Variants in CHST9 observed in about 807,000 individuals in gnomAD.
CHST9 encodes the protein GalNAc-4-sulfotransferase 2.
CHST9 carries 41 observed loss-of-function variants against 44.4 expected under a neutral mutation model. The observed-to-expected ratio is 0.92, with a 90% CI of 0.72 to 1.20. CHST9 has a LOEUF of 1.20. CHST9 is among the 50% of genes most tolerant of loss of function. CHST9 has a pLI of 0.00. For synonymous variants in CHST9, 171 were observed against 178.4 expected (o/e 0.96, Z 0.33); for missense variants, 504 against 516.5 (o/e 0.98, Z 0.23).
chr18:27,031,454 A>C (rs1384853715), intron 3 of CHST9, among the ~76,000 whole-genome samples: 2 of 151,982 alleles, frequency 1.3e-5, no homozygotes, highest in Non-Finnish European at 2.9e-5. Context: ...TATATCTCAT[A>C]ATCATTCTTT....
At chr18:27,071,227 C>T (rs1372534653) in intron 2 of CHST9, among the ~76,000 whole-genome samples, 1 of 152,152 alleles carries the variant, frequency 6.6e-6, no homozygotes, top group African/African-American at 2.4e-5. Context: ...TCCTGATCTT[C>T]TGAAATAGTC....
At chr18:27,088,389 CTTT>C (rs35189657) in intron 2 of CHST9, among the ~76,000 whole-genome samples, 2 of 137,464 alleles carry the variant, frequency 1.5e-5, no homozygotes, top group Admixed American at 7.4e-5. Flanking sequence ...ATTATTAACA[CTTT>C]TTTTTTTTTT....
At chr18:27,123,550 A>G (rs971896931) in intron 2 of CHST9, among the ~76,000 whole-genome samples, 2 of 152,102 alleles carry the variant, frequency 1.3e-5, no homozygotes, top group Non-Finnish European at 2.9e-5. Context: ...ACAGGAGCAG[A>G]AAAAAAAGAG....
At chr18:26,982,851 T>G (rs190064219) in intron 4 of CHST9, among the ~76,000 whole-genome samples, 164 of 152,326 alleles carry the variant, frequency 1.1e-3, no homozygotes, top group African/African-American at 3.9e-3. Flanking sequence ...ATAAAATTCA[T>G]ATACTCAAAA....
At chr18:27,064,049 A>G (rs1033876402) in intron 2 of CHST9, among the ~76,000 whole-genome samples, 4 of 152,112 alleles carry the variant, frequency 2.6e-5, no homozygotes, top group Non-Finnish European at 5.9e-5. Flanking sequence ...TGGGCTATAT[A>G]CAGAGACTTT....
intron 2 of CHST9, among the ~76,000 whole-genome samples, chr18:27,128,485 G>T (rs954281458): frequency 2.6e-5 from 4 of 152,092 alleles, no homozygotes; most frequent in Admixed American, 6.5e-5. Flanking sequence ...GGCCAGGCTG[G>T]TCTCGAACTC....
intron 2 of CHST9, among the ~76,000 whole-genome samples, chr18:27,053,188 GA>G (rs2057596288): frequency 2.2e-5 from 3 of 139,046 alleles, no homozygotes; most frequent in African/African-American, 5.5e-5. Flanking sequence ...AGAAGAAGAA[GA>G]AGAAGAAAGA....
chr18:27,160,896 G>T (rs533794945), intron 1 of CHST9, among the ~76,000 whole-genome samples: 1 of 152,122 alleles, frequency 6.6e-6, no homozygotes, highest in Admixed American at 6.6e-5. Context: ...GTTTATTTGC[G>T]TGGAGGTGTT....
At chr18:26,931,322 G>A (rs1050577585) in intron 5 of CHST9, among the ~76,000 whole-genome samples, 1 of 152,122 alleles carries the variant, frequency 6.6e-6, no homozygotes, top group Non-Finnish European at 1.5e-5. Flanking sequence ...CCACACAAGG[G>A]ATAACGACTG....
intron 2 of CHST9, among the ~76,000 whole-genome samples, chr18:27,107,264 G>C (rs2058230044): frequency 6.6e-6 from 1 of 152,138 alleles, no homozygotes. Flanking sequence ...TCCGCCAGTG[G>C]TATCATGGGG....
intron 1 of CHST9, among the ~76,000 whole-genome samples, chr18:27,162,049 T>C (rs1394939536): frequency 6.6e-6 from 1 of 152,158 alleles, no homozygotes; most frequent in African/African-American, 2.4e-5. Flanking sequence ...TGATGGGTCT[T>C]GACTCTTTAT....
At chr18:27,076,555 G>A (rs4435338) in intron 2 of CHST9, among the ~76,000 whole-genome samples, 2,383 of 152,260 alleles carry the variant, frequency 0.016, 55 homozygotes, top group Admixed American at 0.056. Flanking sequence ...TCCACAGTCC[G>A]TGAGCCTATA....
At chr18:26,966,641 A>T (rs1456808380) in intron 4 of CHST9, among the ~76,000 whole-genome samples, 3 of 152,102 alleles carry the variant, frequency 2.0e-5, no homozygotes, top group African/African-American at 7.2e-5. Flanking sequence ...GAATGGTTGG[A>T]CCTTCAGATG....
chr18:26,924,018 G>A (rs1298766163), intron 5 of CHST9, among the ~76,000 whole-genome samples: 1 of 152,132 alleles, frequency 6.6e-6, no homozygotes, highest in Non-Finnish European at 1.5e-5. Context: ...TGTCATTCCA[G>A]GAGGGCCTGG....
chr18:26,916,117 T>C lies in CHST9; in HGVS notation c.*142A>G. The C allele has an allele frequency of 1.5e-6, 1 of 677,066 alleles. No homozygotes were observed. Among genetic ancestry groups the C allele is most frequent in the Non-Finnish European group, 2.5e-6 (1 of 406,860 alleles). The allele number at this position is 677,066 out of a possible 1,614,324, so 41.9% of individuals were successfully genotyped here. On this transcript the variant is annotated 3_prime_UTR_variant, in exon 6 of 6. Transcript: ENST00000618847. Reference sequence around the variant, plus strand: ...TATAACTTTGTGCCAATTGGTGTCATACTATTTGGTAAAAATCTACATTAA... The same window carrying C: ...TATAACTTTGTGCCAATTGGTGTCACACTATTTGGTAAAAATCTACATTAA...
At chr18:27,172,591 A>G (rs571042029) in intron 1 of CHST9, among the ~76,000 whole-genome samples, 1 of 152,128 alleles carries the variant, frequency 6.6e-6, no homozygotes, top group Admixed American at 6.6e-5. Context: ...ACTGATTACT[A>G]ATATATTTGT....
At chr18:27,120,704 T>A (rs2058367303) in intron 2 of CHST9, among the ~76,000 whole-genome samples, 1 of 152,226 alleles carries the variant, frequency 6.6e-6, no homozygotes, top group Non-Finnish European at 1.5e-5. Context: ...TCCTCAATTA[T>A]AAAATAGGAA....
chr18:26,950,195 C>T (rs16943030), intron 4 of CHST9, among the ~76,000 whole-genome samples: 24,804 of 152,050 alleles, frequency 0.16, 2,179 homozygotes, highest in East Asian at 0.24. Context: ...AACTGCTGTG[C>T]CCTGGGCCTA....
At chr18:27,160,670 G>A (rs141905544) in intron 1 of CHST9, among the ~76,000 whole-genome samples, 5,888 of 152,274 alleles carry the variant, frequency 0.039, 371 homozygotes, top group African/African-American at 0.13. Flanking sequence ...GATTGGAATA[G>A]TTTCAGAAGG....
Sources: allele counts gnomAD v4.1 joint callset (sites outside exome capture counted in the v4.1 genomes callset), GRCh38; gene constraint gnomAD v4.1.1; transcripts MANE v1.5; gene names NCBI Gene and HGNC (gene_info 2026-07-23, HGNC 2026-07-21).